KGD4: variants seen among roughly 807,000 people sequenced by gnomAD.
The protein encoded by KGD4 is alpha-ketoglutarate dehydrogenase component 4.
the KGD4 span, chr5:69,228,097 CTTCAT>C: frequency 2.2e-6 from 2 of 898,550 alleles, no homozygotes; most frequent in Non-Finnish European, 3.2e-6. Flanking sequence ...TGAAGAATGA[CTTCAT>C]TTCAAGAATG....
At chr5:69,217,816 C>A in the KGD4 span, 2 of 1,613,896 alleles carry the variant, frequency 1.2e-6, no homozygotes, top group Non-Finnish European at 1.7e-6. Flanking sequence ...GGAAACTGCC[C>A]CTTCTCGGGG....
At chr5:69,222,050 A>G in the KGD4 span, among the ~76,000 whole-genome samples, 1 of 89,908 alleles carries the variant, frequency 1.1e-5, no homozygotes, top group African/African-American at 4.9e-5. Flanking sequence ...ACATGCCTAT[A>G]CAGTTAGACC....
chr5:69,225,500 C>T, the KGD4 span, among the ~76,000 whole-genome samples: 1 of 151,118 alleles, frequency 6.6e-6, no homozygotes, highest in African/African-American at 2.4e-5. Context: ...CTCCTGACCT[C>T]GTGATCCACC....
At chr5:69,218,571 C>G in the KGD4 span, among the ~76,000 whole-genome samples, 1 of 151,936 alleles carries the variant, frequency 6.6e-6, no homozygotes, top group Non-Finnish European at 1.5e-5. Flanking sequence ...GTTAATCCAC[C>G]TATCAGCTAC....
the KGD4 span, chr5:69,226,546 C>A: frequency 3.1e-5 from 19 of 604,946 alleles, no homozygotes; most frequent in Non-Finnish European, 1.1e-5. Context: ...ATGTAGCATG[C>A]AAGTAGAAAT....
At chr5:69,228,097 C>T in the KGD4 span, 1 of 898,550 alleles carries the variant, frequency 1.1e-6, no homozygotes. Flanking sequence ...TGAAGAATGA[C>T]TTCATTTCAA....
At chr5:69,218,027 G>C in the KGD4 span, 1 of 1,226,646 alleles carries the variant, frequency 8.2e-7, no homozygotes, top group South Asian at 1.4e-5. Flanking sequence ...GTGAGGATGG[G>C]ACTTTGAGCC....
At chr5:69,220,126 G>A in the KGD4 span, among the ~76,000 whole-genome samples, 2 of 151,782 alleles carry the variant, frequency 1.3e-5, no homozygotes, top group African/African-American at 2.4e-5. Context: ...AGCTACTCAG[G>A]AGGCTGAGGT....
the KGD4 span, among the ~76,000 whole-genome samples, chr5:69,220,201 T>C: frequency 6.6e-6 from 1 of 150,932 alleles, no homozygotes; most frequent in African/African-American, 2.4e-5. Flanking sequence ...CATTCCAGCC[T>C]GGACAGTAGA....
At chr5:69,228,063 A>C in the KGD4 span, 1 of 672,946 alleles carries the variant, frequency 1.5e-6, no homozygotes, top group Non-Finnish European at 2.3e-6. Flanking sequence ...TACCTTTTGG[A>C]ATTATAATAC....
the KGD4 span, chr5:69,218,142 C>T: frequency 5.7e-6 from 3 of 523,160 alleles, no homozygotes; most frequent in East Asian, 6.8e-5. Flanking sequence ...CGGGATCCCC[C>T]GCTCCTCCGC....
At chr5:69,217,776 CCA>C in the KGD4 span, 1 of 1,612,300 alleles carries the variant, frequency 6.2e-7, no homozygotes, top group Non-Finnish European at 8.5e-7. Context: ...GCCCGGGACT[CCA>C]GTGATCGCCG....
the KGD4 span, chr5:69,226,271 T>C: frequency 1.3e-5 from 14 of 1,068,156 alleles, no homozygotes; most frequent in Non-Finnish European, 1.6e-5. Flanking sequence ...TATCTACTTA[T>C]GAGGTTTAGT....
the KGD4 span, chr5:69,217,776 C>G: frequency 6.2e-7 from 1 of 1,612,300 alleles, no homozygotes; most frequent in Middle Eastern, 1.6e-4. Context: ...GCCCGGGACT[C>G]CAGTGATCGC....
the KGD4 span, among the ~76,000 whole-genome samples, chr5:69,228,798 T>A: frequency 1.3e-5 from 2 of 152,186 alleles, no homozygotes; most frequent in African/African-American, 2.4e-5. Flanking sequence ...GTGGGTCACC[T>A]GAGGTCAGGA....
the KGD4 span, among the ~76,000 whole-genome samples, chr5:69,227,488 CT>C: frequency 6.6e-6 from 1 of 152,004 alleles, no homozygotes; most frequent in African/African-American, 2.4e-5. Context: ...GATTCCCGCC[CT>C]TTTTTAAAAA....
At chr5:69,220,208 T>A in the KGD4 span, among the ~76,000 whole-genome samples, 2 of 150,706 alleles carry the variant, frequency 1.3e-5, no homozygotes, top group African/African-American at 4.9e-5. Flanking sequence ...GCCTGGACAG[T>A]AGAGCTAGAC....
At chr5:69,228,108 G>A in the KGD4 span, 1 of 989,222 alleles carries the variant, frequency 1.0e-6, no homozygotes, top group Non-Finnish European at 1.4e-6. Context: ...TTCATTTCAA[G>A]AATGACTTGA....
the KGD4 span, among the ~76,000 whole-genome samples, chr5:69,220,044 A>C: frequency 6.6e-6 from 1 of 152,100 alleles, no homozygotes; most frequent in Non-Finnish European, 1.5e-5. Context: ...AGCCTGGGCA[A>C]AATAGCAAGA....
Sources: gnomAD v4.1 joint callset for allele counts (sites outside exome capture counted in the v4.1 genomes callset) on GRCh38, gnomAD v4.1.1 for gene constraint, MANE v1.5 for transcripts, NCBI Gene and HGNC (gene_info 2026-07-23, HGNC 2026-07-21) for gene names.